The following PTPRD variants were observed in gnomAD, a reference collection of about 807,000 sequenced individuals.
PTPRD encodes protein tyrosine phosphatase receptor type D, also known as receptor-type tyrosine-protein phosphatase delta.
Under a neutral mutation model 214.5 loss-of-function variants are expected in PTPRD, and 34 were observed. That is an observed-to-expected ratio of 0.16 (90% CI 0.12 to 0.21). The LOEUF is 0.21. Among genes scored for constraint, PTPRD ranks in the 10% least tolerant of loss-of-function variants. PTPRD has a pLI of 1.00. For synonymous variants in PTPRD, 1,128 were observed against 845.7 expected, an observed-to-expected ratio of 1.33 and a Z score of -5.79; for missense variants, 2,545 against 2,398.7, an observed-to-expected ratio of 1.06 and a Z score of -1.27.
intron 8 of PTPRD, among the ~76,000 whole-genome samples, chr9:9,526,768 T>C (rs977799874): frequency 3.3e-5 from 5 of 152,290 alleles, no homozygotes; most frequent in Admixed American, 3.3e-4. Flanking sequence ...TGAGTTTAAA[T>C]AGTCAATATT....
At chr9:9,751,309 C>T (rs2098516724) in intron 6 of PTPRD, among the ~76,000 whole-genome samples, 1 of 152,078 alleles carries the variant, frequency 6.6e-6, no homozygotes. Context: ...CTTGGAGACA[C>T]TAAGAATTAA....
At chr9:9,839,843 A>G (rs1487233449) in intron 5 of PTPRD, among the ~76,000 whole-genome samples, 5 of 152,020 alleles carry the variant, frequency 3.3e-5, no homozygotes, top group African/African-American at 4.8e-5. Flanking sequence ...AATCTCCCCA[A>G]TATCCTTCTT....
At chr9:9,720,034 T>C (rs1344808169) in intron 7 of PTPRD, among the ~76,000 whole-genome samples, 2 of 152,118 alleles carry the variant, frequency 1.3e-5, no homozygotes, top group Admixed American at 1.3e-4. Context: ...GGATCTGTGT[T>C]GGTAGCACGA....
chr9:9,332,950 T>C (rs1397757442), intron 9 of PTPRD, among the ~76,000 whole-genome samples: 3 of 152,038 alleles, frequency 2.0e-5, no homozygotes, highest in East Asian at 3.9e-4. Context: ...TTAGTTAGTG[T>C]TAAGGAAGCA....
intron 5 of PTPRD, among the ~76,000 whole-genome samples, chr9:9,815,206 A>G (rs2048377331): frequency 6.6e-6 from 1 of 152,144 alleles, no homozygotes; most frequent in Non-Finnish European, 1.5e-5. Context: ...ATGCGTACAT[A>G]CATTGTCCAC....
At chr9:9,710,972 G>C (rs901748792) in intron 7 of PTPRD, among the ~76,000 whole-genome samples, 4 of 151,840 alleles carry the variant, frequency 2.6e-5, no homozygotes, top group South Asian at 2.1e-4. Flanking sequence ...GAGCGAGAGA[G>C]AGCGTGTGTG....
At position 8,852,466 on chromosome 9, in the gene PTPRD, C is replaced by T. The variant is rs545037301; in HGVS notation, c.-103-118520G>A. On this transcript the variant is annotated intron_variant, in intron 11 of 45. Transcript: ENST00000381196. ...GAGAAAGCCTTGACTCAGATGGCTGCTTTGGCTCTTACATTTTGTTGTAAA... is the reference window on the plus strand; with the variant it reads ...GAGAAAGCCTTGACTCAGATGGCTGTTTTGGCTCTTACATTTTGTTGTAAA... 2.6e-5 allele frequency among the ~76,000 whole-genome samples: 4 copies of T among 152,280 alleles called. No homozygotes were observed. In the East Asian group the frequency reaches 5.8e-4, roughly 22 times the overall value.
intron 7 of PTPRD, among the ~76,000 whole-genome samples, chr9:9,618,608 G>A (rs1196706247): frequency 6.6e-6 from 1 of 152,090 alleles, no homozygotes; most frequent in Non-Finnish European, 1.5e-5. Context: ...CTGTTAAAGA[G>A]AGGAAACAGA....
chr9:10,481,838 T>C (rs1477966138), intron 2 of PTPRD, among the ~76,000 whole-genome samples: 2 of 152,164 alleles, frequency 1.3e-5, no homozygotes, highest in Non-Finnish European at 2.9e-5. Context: ...TATTTTCTCA[T>C]CTTTTAAGAG....
At chr9:9,931,476 G>A (rs2086525965) in intron 5 of PTPRD, among the ~76,000 whole-genome samples, 2 of 152,176 alleles carry the variant, frequency 1.3e-5, no homozygotes, top group Admixed American at 1.3e-4. Context: ...GATGGCACCT[G>A]GAAAATCGGG....
At chr9:8,321,438 G>C (rs190021096) in intron 44 of PTPRD, among the ~76,000 whole-genome samples, 237 of 138,866 alleles carry the variant, frequency 1.7e-3, no homozygotes, top group African/African-American at 5.6e-3. Flanking sequence ...TCCTAAATAA[G>C]AGGAAATATA....
At chr9:10,360,968 G>A (rs576919135) in intron 2 of PTPRD, among the ~76,000 whole-genome samples, 11 of 151,894 alleles carry the variant, frequency 7.2e-5, no homozygotes, top group South Asian at 6.2e-4. Context: ...CGGGCGTGGT[G>A]CCGGGCGCCT....
rs188756637 is a variant in PTPRD at position 9,795,450 on chromosome 9, A to G, written c.-367-28599T>C. On this transcript the variant is annotated intron_variant, in intron 5 of 45. Transcript: ENST00000381196. The stretch of plus-strand genomic sequence containing the variant: ...AGGAAGCATTTGGATAGTGGAAAAA[A>G]ACAAGGTTTGTATTTAAGGAACCAA... 7.4e-3 allele frequency among the ~76,000 whole-genome samples: 1,131 copies of G among 152,322 alleles called. 7 individuals are homozygous for G. The highest frequency in any genetic ancestry group is 0.01 in the Non-Finnish European group (697 of 68,022).
At chr9:8,400,464 C>G (rs189821320) in intron 36 of PTPRD, among the ~76,000 whole-genome samples, 239 of 152,108 alleles carry the variant, frequency 1.6e-3, no homozygotes, top group Non-Finnish European at 2.6e-3. Flanking sequence ...GTTAGTCATG[C>G]CATAAAATAG....
chr9:8,880,837 T>A (rs1267757717), intron 11 of PTPRD, among the ~76,000 whole-genome samples: 1 of 152,142 alleles, frequency 6.6e-6, no homozygotes, highest in Non-Finnish European at 1.5e-5. Context: ...CAGGCTGGAG[T>A]GCAGTGGTGC....
chr9:8,327,403 T>C lies in PTPRD; in HGVS notation c.5534+4179A>G, dbSNP rs187810212. Among the ~76,000 whole-genome samples, 695 of 152,088 alleles carry C rather than the reference T, an allele frequency of 4.6e-3. 10 individuals are homozygous for C. The highest frequency in any genetic ancestry group is 0.016 in the African/African-American group (660 of 41,538). ...ATTGCACTGTGGTCTGAGAGACTGT[T>C]TGTTATGATTTCTGTTCTTTTGCAT... On this transcript the variant is annotated intron_variant, in intron 44 of 45. Transcript: ENST00000381196.
At chr9:8,573,701 A>G (rs1461370624) in intron 14 of PTPRD, among the ~76,000 whole-genome samples, 1 of 151,970 alleles carries the variant, frequency 6.6e-6, no homozygotes, top group Non-Finnish European at 1.5e-5. Context: ...TCTTTATCCA[A>G]AAAAGTTGCA....
At chr9:9,081,136 C>T (rs1332369085) in intron 10 of PTPRD, among the ~76,000 whole-genome samples, 1 of 152,094 alleles carries the variant, frequency 6.6e-6, no homozygotes, top group Non-Finnish European at 1.5e-5. Context: ...GCATTTAGTG[C>T]TATAAATTTC....
intron 2 of PTPRD, among the ~76,000 whole-genome samples, chr9:10,490,450 G>A (rs188811803): frequency 6.6e-6 from 1 of 152,094 alleles, no homozygotes; most frequent in Non-Finnish European, 1.5e-5. Flanking sequence ...CTTGGAATTT[G>A]CAGTAACCAT....
Sources: gnomAD v4.1 joint callset for allele counts (sites outside exome capture counted in the v4.1 genomes callset) on GRCh38, gnomAD v4.1.1 for gene constraint, MANE v1.5 for transcripts, NCBI Gene and HGNC (gene_info 2026-07-23, HGNC 2026-07-21) for gene names.